The following AIG1 variants were observed in gnomAD, a reference collection of about 807,000 sequenced individuals.
AIG1 encodes androgen induced 1, also known as androgen-induced gene 1 protein.
A neutral mutation model predicts 31.4 loss-of-function variants in AIG1; 23 were observed. The observed-to-expected ratio is 0.73, with a 90% CI of 0.53 to 1.04. AIG1 has a LOEUF of 1.04. Ranked by LOEUF, AIG1 falls within the 50% of genes least tolerant of loss-of-function variation. The probability of loss-of-function intolerance (pLI) is 0.00; values close to 1 mark genes in which losing one functional copy is unlikely to be tolerated. For missense variants in AIG1, 274 were observed against 295.0 expected, an observed-to-expected ratio of 0.93 and a Z score of 0.52; for synonymous variants, 100 against 110.5, an observed-to-expected ratio of 0.90 and a Z score of 0.60.
At chr6:143,174,458 G>C (rs1191893634) in intron 3 of AIG1, among the ~76,000 whole-genome samples, 1 of 136,722 alleles carries the variant, frequency 7.3e-6, no homozygotes, top group Non-Finnish European at 1.5e-5. Flanking sequence ...TTGCACTCCA[G>C]CCTGGGTGAC....
chr6:143,173,703 C>G (rs1787864298), intron 3 of AIG1, among the ~76,000 whole-genome samples: 1 of 152,058 alleles, frequency 6.6e-6, no homozygotes, highest in Admixed American at 6.6e-5. Flanking sequence ...TTTGAGGGTT[C>G]CTTTTGGAGT....
chr6:143,085,757 AAG>A (rs1219002374), intron 1 of AIG1, among the ~76,000 whole-genome samples: 26 of 152,312 alleles, frequency 1.7e-4, no homozygotes, highest in African/African-American at 6.0e-4. Flanking sequence ...CTGCTTCCAC[AAG>A]AGTCTCCCTA....
intron 3 of AIG1, among the ~76,000 whole-genome samples, chr6:143,273,791 C>G (rs754388052): frequency 5.3e-5 from 8 of 152,086 alleles, no homozygotes; most frequent in Non-Finnish European, 1.2e-4. Flanking sequence ...GAAACTGCCC[C>G]CATGATTCAA....
At chr6:143,198,822 C>T (rs1014540319) in intron 3 of AIG1, among the ~76,000 whole-genome samples, 6 of 152,174 alleles carry the variant, frequency 3.9e-5, no homozygotes, top group East Asian at 3.9e-4. Flanking sequence ...CAGGGTTGCA[C>T]GGACATCTAA....
chr6:143,166,817 G>A (rs1229600429), intron 3 of AIG1, among the ~76,000 whole-genome samples: 3 of 152,136 alleles, frequency 2.0e-5, no homozygotes, highest in Non-Finnish European at 4.4e-5. Context: ...AATTACAAAT[G>A]AAGAAACTGA....
chr6:143,278,883 T>A (rs775057145), intron 3 of AIG1, among the ~76,000 whole-genome samples: 1 of 152,224 alleles, frequency 6.6e-6, no homozygotes, highest in Non-Finnish European at 1.5e-5. Context: ...TGTATTTTGT[T>A]TTTGTGATTA....
intron 3 of AIG1, among the ~76,000 whole-genome samples, chr6:143,226,985 CTTTT>C (rs11431811): frequency 1.8e-5 from 2 of 113,620 alleles, no homozygotes; most frequent in African/African-American, 3.2e-5. Context: ...GAGTTTTTGT[CTTTT>C]TTTTTTTTTT....
intron 5 of AIG1, among the ~76,000 whole-genome samples, chr6:143,335,843 G>A (rs561206430): frequency 4.0e-5 from 6 of 151,698 alleles, no homozygotes; most frequent in Non-Finnish European, 5.9e-5. Context: ...CAGCTACTTG[G>A]GAGGCTAAGG....
intron 1 of AIG1, among the ~76,000 whole-genome samples, chr6:143,076,796 C>T (rs538782247): frequency 4.7e-4 from 72 of 151,844 alleles, no homozygotes; most frequent in South Asian, 8.3e-4. Flanking sequence ...CTCAGCCTCC[C>T]GAGTAGCTGA....
At chr6:143,342,173 T>G (rs891828262), downstream of AIG1, 12 of 588,956 alleles carry the variant, frequency 2.0e-5, no homozygotes, top group Non-Finnish European at 3.7e-5. Context: ...ATCACCCGCC[T>G]TGGCCTCTCA....
At chr6:143,183,034 A>G (rs1268958866) in intron 3 of AIG1, among the ~76,000 whole-genome samples, 1 of 152,168 alleles carries the variant, frequency 6.6e-6, no homozygotes, top group African/African-American at 2.4e-5. Context: ...TTATATTGCC[A>G]TTTTTGCCTG....
intron 3 of AIG1, among the ~76,000 whole-genome samples, chr6:143,276,076 G>A (rs1796878290): frequency 6.6e-6 from 1 of 152,110 alleles, no homozygotes; most frequent in African/African-American, 2.4e-5. Context: ...TCCTCATTAG[G>A]ATTCAGCAAG....
intron 1 of AIG1, among the ~76,000 whole-genome samples, chr6:143,122,622 A>G (rs1043024444): frequency 1.3e-5 from 2 of 152,132 alleles, no homozygotes; most frequent in Non-Finnish European, 2.9e-5. Flanking sequence ...AATTTCTCTT[A>G]ACTATTTTCT....
rs1006166243 is a variant in AIG1 at position 143,292,241 on chromosome 6, G to A, written c.515+8016G>A. ...AACTTGTGGATATGTTCCCTGACATGGCATGTGGCAAAAGGGACTTTGCAG... is the reference window on the plus strand; with the variant it reads ...AACTTGTGGATATGTTCCCTGACATAGCATGTGGCAAAAGGGACTTTGCAG... On this transcript the variant is annotated intron_variant, in intron 4 of 5. Transcript: ENST00000357847. The surrounding 1 kb of genome is among the most constrained non-coding windows in gnomAD (Gnocchi z 4.9). Among the ~76,000 whole-genome samples, 1 of 152,192 alleles carries A rather than the reference G, an allele frequency of 6.6e-6. No individual in the cohort carries two copies. Among genetic ancestry groups the A allele is most frequent in the African/African-American group, 2.4e-5 (1 of 41,442 alleles).
Position 143,214,146 on chromosome 6 carries a change from G to A in AIG1, c.399+48963G>A, listed in dbSNP as rs139086819. ...AAAGTAACAGAAGGGAAATGCCTCC[G>A]TGTTTTCCTACATTTAATGCCATCA... On this transcript the variant is annotated intron_variant, in intron 3 of 5. Transcript: ENST00000357847. Among the ~76,000 whole-genome samples the A allele has an allele frequency of 4.5e-3, 683 of 152,248 alleles. 4 individuals carry two copies. The Middle Eastern group carries it at 0.071, about 16-fold the overall frequency.
chr6:143,131,774 T>C (rs1301204566), intron 1 of AIG1, among the ~76,000 whole-genome samples: 1 of 152,226 alleles, frequency 6.6e-6, no homozygotes, highest in African/African-American at 2.4e-5. Context: ...ACATTAATTT[T>C]GGTGTTGTGG....
chr6:143,066,153 C>T (rs887065796), intron 1 of AIG1, among the ~76,000 whole-genome samples: 3 of 152,216 alleles, frequency 2.0e-5, no homozygotes, highest in Non-Finnish European at 4.4e-5. Flanking sequence ...TTAATAAGAT[C>T]ATCAGGTGAT....
At chr6:143,248,595 C>T (rs547787264) in intron 3 of AIG1, among the ~76,000 whole-genome samples, 4 of 152,280 alleles carry the variant, frequency 2.6e-5, no homozygotes, top group Admixed American at 6.5e-5. Flanking sequence ...CCCAAAGGGG[C>T]GGGCATCTCC....
chr6:143,241,019 C>T (rs917035359), intron 3 of AIG1, among the ~76,000 whole-genome samples: 1 of 152,028 alleles, frequency 6.6e-6, no homozygotes, highest in Non-Finnish European at 1.5e-5. Context: ...CCTTTACAAA[C>T]ATTGACCTGA....
Sources: gnomAD v4.1 joint callset for allele counts (sites outside exome capture counted in the v4.1 genomes callset) on GRCh38, gnomAD v4.1.1 for gene constraint, Gnocchi (gnomAD v3.1) non-coding constraint, MANE v1.5 for transcripts, NCBI Gene and HGNC (gene_info 2026-07-23, HGNC 2026-07-21) for gene names.